The following TRIM14 variants were observed in gnomAD, a reference collection of about 807,000 sequenced individuals.
TRIM14 encodes tripartite motif containing 14, also known as tripartite motif-containing protein 14.
A neutral mutation model predicts 44.5 loss-of-function variants in TRIM14; 28 were observed. That is an observed-to-expected ratio of 0.63 (90% CI 0.47 to 0.86). The LOEUF is 0.86. TRIM14 is among the 40% of genes least tolerant of loss of function. The probability of loss-of-function intolerance (pLI) is 0.00; values close to 1 mark genes in which losing one functional copy is unlikely to be tolerated. For missense variants in TRIM14, 607 were observed against 611.1 expected (o/e 0.99, Z 0.07); for synonymous variants, 299 against 269.2 (o/e 1.11, Z -1.08).
chr9:98,049,053 C>A, the TRIM14 span, among the ~76,000 whole-genome samples: 2 of 150,956 alleles, frequency 1.3e-5, no homozygotes, highest in Admixed American at 1.3e-4. Context: ...TAAAGAGTGG[C>A]TATTCTGGCC....
intron 1 of TRIM14, among the ~76,000 whole-genome samples, chr9:98,110,535 C>G (rs541212829): frequency 6.6e-6 from 1 of 152,210 alleles, no homozygotes; most frequent in East Asian, 1.9e-4. Flanking sequence ...CTCTCCTTCC[C>G]CAAGGGTGTG....
downstream of TRIM14, among the ~76,000 whole-genome samples, chr9:98,064,347 G>C (rs1326484353): frequency 6.6e-6 from 1 of 151,922 alleles, no homozygotes; most frequent in Non-Finnish European, 1.5e-5. Context: ...TCCACCTCCC[G>C]GGTTCAAGTT....
the TRIM14 span, among the ~76,000 whole-genome samples, chr9:98,044,670 C>A: frequency 2.6e-5 from 4 of 152,238 alleles, no homozygotes; most frequent in African/African-American, 9.6e-5. Context: ...CCGTGCCTGG[C>A]TGCAAAATGC....
At chr9:98,075,469 AG>A (rs1469144950) in intron 6 of TRIM14, 3 of 117,684 alleles carry the variant, frequency 2.5e-5, no homozygotes, top group African/African-American at 1.0e-4. Context: ...GGAGGGAGGG[AG>A]GAAGGAAGGG....
chr9:98,062,110 G>T, the TRIM14 span, among the ~76,000 whole-genome samples: 1 of 152,002 alleles, frequency 6.6e-6, no homozygotes. Context: ...TAGTCTGGGA[G>T]GCTGAGGATT....
chr9:98,075,690 C>T (rs1829560295), intron 6 of TRIM14: 1 of 152,030 alleles, frequency 6.6e-6, no homozygotes, highest in Admixed American at 6.6e-5. Context: ...TTTTGATTTC[C>T]AACTTCAAAA....
the TRIM14 span, among the ~76,000 whole-genome samples, chr9:98,059,300 G>A: frequency 6.6e-6 from 1 of 152,336 alleles, no homozygotes; most frequent in Admixed American, 6.5e-5. Context: ...TGGGATTACA[G>A]GTGTGAGCCA....
chr9:98,101,029 G>A (rs572349887), intron 2 of TRIM14, among the ~76,000 whole-genome samples: 2 of 152,114 alleles, frequency 1.3e-5, no homozygotes, highest in East Asian at 1.9e-4. Context: ...CAGGCTGAGT[G>A]CAGTGGTGCG....
Position 98,092,014 on chromosome 9 carries a change from G to T in TRIM14, c.701-13C>A. On this transcript the variant is annotated splice_polypyrimidine_tract_variant and intron_variant, in intron 4 of 5. Coordinates refer to ENST00000341469, the MANE Select transcript of TRIM14 (RefSeq NM_014788.4). ...TGGCAGTTTATGCCTGTAAGGAATT[G>T]TTGAGAAATGAGCGCCCGGAGCTTA... is the stretch of plus-strand genomic sequence containing the variant. 1 of 1,597,324 alleles carries T rather than the reference G, an allele frequency of 6.3e-7. No individual in the cohort carries two copies. Among genetic ancestry groups the T allele is most frequent in the Middle Eastern group, 1.7e-4 (1 of 5,976 alleles).
the TRIM14 span, among the ~76,000 whole-genome samples, chr9:98,039,910 G>A: frequency 6.6e-6 from 1 of 152,072 alleles, no homozygotes; most frequent in Non-Finnish European, 1.5e-5. Flanking sequence ...TTTCTCTATT[G>A]CACTTCCCAT....
chr9:98,094,435 G>A (rs1460620010), intron 4 of TRIM14, among the ~76,000 whole-genome samples: 1 of 152,192 alleles, frequency 6.6e-6, no homozygotes, highest in East Asian at 1.9e-4. Context: ...GAAGGGAGAG[G>A]GGAGATGGCT....
At chr9:98,101,234 C>T (rs1826377728) in intron 2 of TRIM14, among the ~76,000 whole-genome samples, 1 of 152,022 alleles carries the variant, frequency 6.6e-6, no homozygotes, top group Non-Finnish European at 1.5e-5. Context: ...CTCAGCCTCC[C>T]AAAATGCTGA....
the TRIM14 span, among the ~76,000 whole-genome samples, chr9:98,054,087 T>G: frequency 3.3e-5 from 5 of 152,152 alleles, no homozygotes; most frequent in African/African-American, 1.2e-4. Context: ...GAGTAGTCTC[T>G]GGGCAAGACA....
In TRIM14 at chr9:98,087,109, G is replaced by A; in HGVS notation, c.*361C>T. 2 of 502,278 alleles carry A rather than the reference G, an allele frequency of 4.0e-6. No homozygotes were observed. Among genetic ancestry groups the A allele is most frequent in the Non-Finnish European group, 3.9e-6 (1 of 256,750 alleles). 31.1% of individuals were successfully genotyped at this position (502,278 alleles called of 1,614,324 possible). A position where few individuals can be genotyped will look rare whatever the true frequency, so the allele number is the denominator to read the frequency against. The stretch of plus-strand genomic sequence containing the variant: ...TTACTGTGTGCCTACTATGTGTCAG[G>A]TTCCTGTGCTGTACGAGGGAGAAGG... On this transcript the variant is annotated 3_prime_UTR_variant, in exon 6 of 6. Transcript: ENST00000341469.
intron 2 of TRIM14, among the ~76,000 whole-genome samples, chr9:98,109,244 G>A (rs112458526): frequency 0.096 from 14,447 of 150,546 alleles, 2,085 homozygotes; most frequent in African/African-American, 0.32. Flanking sequence ...AGAGGATGAA[G>A]GGGAGGAGGG....
At chr9:98,092,336 A>C (rs1441061849) in intron 4 of TRIM14, among the ~76,000 whole-genome samples, 4 of 152,246 alleles carry the variant, frequency 2.6e-5, no homozygotes, top group Non-Finnish European at 5.9e-5. Flanking sequence ...AGTGCTCAGA[A>C]AGAAAGAAGG....
downstream of TRIM14, chr9:98,083,195 T>C: frequency 1.3e-6 from 1 of 771,468 alleles, no homozygotes; most frequent in Non-Finnish European, 2.1e-6. Flanking sequence ...AGCAGATGTT[T>C]CTGGGCTAGG....
At chr9:98,107,296 C>T (rs753331835) in intron 2 of TRIM14, among the ~76,000 whole-genome samples, 12 of 152,192 alleles carry the variant, frequency 7.9e-5, no homozygotes, top group South Asian at 4.1e-4. Flanking sequence ...GCATCTAACA[C>T]AGATAAATGA....
chr9:98,103,242 A>C (rs1221834238), intron 2 of TRIM14, among the ~76,000 whole-genome samples: 1 of 152,054 alleles, frequency 6.6e-6, no homozygotes, highest in East Asian at 1.9e-4. Context: ...CCTGGCAGGG[A>C]AAGTTCTCCA....
Sources: allele counts gnomAD v4.1 joint callset (sites outside exome capture counted in the v4.1 genomes callset), GRCh38; gene constraint gnomAD v4.1.1; transcripts MANE v1.5; gene names NCBI Gene and HGNC (gene_info 2026-07-23, HGNC 2026-07-21).